The following SLC6A13 variants were observed in gnomAD, a reference collection of about 807,000 sequenced individuals.
SLC6A13 encodes the protein solute carrier family 6 member 13.
A neutral mutation model predicts 72.9 loss-of-function variants in SLC6A13; 69 were observed. The observed-to-expected ratio is 0.95, with a 90% CI of 0.78 to 1.16. The LOEUF is 1.16. Among genes scored for constraint, SLC6A13 ranks in the 50% most tolerant of loss-of-function variants. The pLI is 0.00. For synonymous variants in SLC6A13, 303 were observed against 303.0 expected, an observed-to-expected ratio of 1.00 and a Z score of 0.00; for missense variants, 735 against 760.5, an observed-to-expected ratio of 0.97 and a Z score of 0.39.
Position 224,016 on chromosome 12 carries a change from A to G in SLC6A13, c.1287T>C (p.Leu429=). ...LILGVSVVSF[L]VGLIMLTEGG... ...CCTCTGTGAGCATGATCAGCCCCACAAGGAAGGAGACGACAGATACTCCAA... is the reference window on the plus strand; with the variant it reads ...CCTCTGTGAGCATGATCAGCCCCACGAGGAAGGAGACGACAGATACTCCAA... The change falls in exon 11 of 15, where the codon CTT becomes CTC. Residue 429 remains leucine (L), a synonymous_variant. Transcript: ENST00000343164. The G allele has an allele frequency of 1.2e-6, 2 of 1,612,786 alleles. No homozygotes were observed. Among genetic ancestry groups the G allele is most frequent in the Non-Finnish European group, 1.7e-6 (2 of 1,179,648 alleles).
Position 237,919 on chromosome 12 carries a change from C to T in SLC6A13, c.563+7G>A, listed in dbSNP as rs919786153. ...GCCCACAGTGGGTGGGGAAGGGTCT[C>T]ACTTACTCCCAGAACTCGATGACAG... is the stretch of plus-strand genomic sequence containing the variant. On this transcript the variant is annotated splice_region_variant and intron_variant, in intron 5 of 14. Coordinates refer to ENST00000343164, the MANE Select transcript of SLC6A13 (RefSeq NM_016615.5). 1.2e-6 allele frequency: 2 copies of T among 1,608,944 alleles called. No individual in the cohort carries two copies. The highest frequency in any genetic ancestry group is 2.2e-5 in the South Asian group (2 of 90,972).
chr12:229,446 G>A (rs569235208), intron 7 of SLC6A13, among the ~76,000 whole-genome samples: 5 of 152,210 alleles, frequency 3.3e-5, no homozygotes, highest in South Asian at 2.1e-4. Context: ...ACTCACTGAC[G>A]TTGGCATGAA....
At position 237,841 on chromosome 12, in the gene SLC6A13, T is replaced by A. The variant is rs1468448829; in HGVS notation, c.563+85A>T. The A allele has an allele frequency of 6.9e-6, 7 of 1,007,670 alleles. No individual in the cohort carries two copies. In the East Asian group the frequency reaches 1.4e-4, roughly 21 times the overall value. The allele number at this position is 1,007,670 out of a possible 1,614,324, so 62.4% of individuals were successfully genotyped here. On this transcript the variant is annotated intron_variant, in intron 5 of 14. Coordinates refer to ENST00000343164, the MANE Select transcript of SLC6A13 (RefSeq NM_016615.5). Reference sequence around the variant, plus strand: ...GTGGAAATTCTTCCCTTGCTGTCCATTGAGAGTGACCTTGGTGTGTACTCC... The same window carrying A: ...GTGGAAATTCTTCCCTTGCTGTCCAATGAGAGTGACCTTGGTGTGTACTCC...
intron 2 of SLC6A13, 120 bp downstream of exon 2, chr12:259,731 G>A (rs575431277): frequency 6.1e-5 from 97 of 1,601,302 alleles, no homozygotes; most frequent in Non-Finnish European, 7.4e-5. Flanking sequence ...ACCTCTAAGC[G>A]TCCTCCTACC....
At chr12:242,794 A>G (rs770028604) in intron 3 of SLC6A13, 40 bp from the exon 4 acceptor site, 1 of 1,550,496 alleles carries the variant, frequency 6.4e-7, no homozygotes, top group South Asian at 1.2e-5. Flanking sequence ...AACGGTGGAC[A>G]GCGGTGGCGT....
chr12:243,320 A>G (rs1942235775), intron 3 of SLC6A13, among the ~76,000 whole-genome samples: 1 of 152,240 alleles, frequency 6.6e-6, no homozygotes. Flanking sequence ...CGGCCAAGAT[A>G]GAACTATGAA....
chr12:259,930 A>T lies in SLC6A13; in HGVS notation c.123T>A (p.Phe41Leu), dbSNP rs766765922. The T allele has an allele frequency of 6.2e-7, 1 of 1,614,230 alleles. No individual in the cohort carries two copies. The highest frequency in any genetic ancestry group is 1.1e-5 in the South Asian group (1 of 91,086). The change falls in exon 2 of 15, where the codon TTT (phenylalanine) becomes TTA (leucine). Residue 41 changes from phenylalanine to leucine, a missense_variant. Coordinates refer to ENST00000343164, the MANE Select transcript of SLC6A13 (RefSeq NM_016615.5). ...ERGHWNNKME[F>L]VLSVAGEIIG... ...TGATCTCCCCAGCCACTGACAGCAC[A>T]AACTCCATCTTGTTGTTCCAGTGCC...
chr12:251,901 T>C (rs554316248), intron 2 of SLC6A13, among the ~76,000 whole-genome samples: 66 of 152,274 alleles, frequency 4.3e-4, no homozygotes, highest in African/African-American at 1.6e-3. Context: ...AGGTCAAGGA[T>C]GCAGTGAGCC....
rs71045049 is a variant in SLC6A13, at chr12:246,132, A to AAAAT, written c.203-2323_203-2320dup. ...GACTCCATCTCAAAAAATAAAAGTA[A>AAAAT]AAATAAATAAATAAATAAATAAATA... On this transcript the variant is annotated intron_variant, in intron 2 of 14. Coordinates refer to ENST00000343164, the MANE Select transcript of SLC6A13 (RefSeq NM_016615.5). Among the ~76,000 whole-genome samples the AAAAT allele has an allele frequency of 5.3e-3, 778 of 146,998 alleles. 7 individuals are homozygous for AAAAT. The highest frequency in any genetic ancestry group is 0.01 in the Middle Eastern group (3 of 288).
At chr12:255,259 G>A (rs1045803489) in intron 2 of SLC6A13, among the ~76,000 whole-genome samples, 2 of 152,170 alleles carry the variant, frequency 1.3e-5, no homozygotes, top group Non-Finnish European at 2.9e-5. Context: ...CCAGGACCTG[G>A]GTGTTTGGGT....
At chr12:235,402 G>A (rs916688344) in intron 6 of SLC6A13, among the ~76,000 whole-genome samples, 178 bp from the exon 7 acceptor site, 4 of 152,202 alleles carry the variant, frequency 2.6e-5, no homozygotes, top group African/African-American at 7.2e-5. Flanking sequence ...ACCCCGAATG[G>A]AGGGACTGGC....
chr12:248,024 CA>C (rs528821731), intron 2 of SLC6A13, among the ~76,000 whole-genome samples: 7 of 147,382 alleles, frequency 4.7e-5, no homozygotes, highest in East Asian at 2.0e-4. Flanking sequence ...TCAATTATTC[CA>C]AAAAAAAAGC....
chr12:221,944 G>A (rs997913669), intron 13 of SLC6A13, among the ~76,000 whole-genome samples: 1 of 152,138 alleles, frequency 6.6e-6, no homozygotes, highest in Non-Finnish European at 1.5e-5. Flanking sequence ...GGGAGCTCGG[G>A]AACAGCTGAC....
intron 7 of SLC6A13, among the ~76,000 whole-genome samples, chr12:231,271 A>G (rs1941697064): frequency 6.6e-6 from 1 of 152,228 alleles, no homozygotes; most frequent in Non-Finnish European, 1.5e-5. Context: ...CCTGGCAGAA[A>G]AAGGGGAGCA....
At chr12:243,892 C>T in intron 2 of SLC6A13, 79 bp from the exon 3 acceptor site, 1 of 1,388,846 alleles carries the variant, frequency 7.2e-7, no homozygotes, top group East Asian at 2.3e-5. Context: ...CATTACCAAC[C>T]CATACTGCCA....
Position 242,759 on chromosome 12 carries a change from G to A in SLC6A13, c.338-5C>T, listed in dbSNP as rs372831595. On this transcript the variant is annotated splice_region_variant and splice_polypyrimidine_tract_variant and intron_variant, in intron 3 of 14. Transcript: ENST00000343164. Reference sequence around the variant, plus strand: ...TCTGGGAGGCATAGCCAATGCCTGCGGGGAAACTGCAGAATTGGGCTAGGA... The same window carrying A: ...TCTGGGAGGCATAGCCAATGCCTGCAGGGAAACTGCAGAATTGGGCTAGGA... 8.6e-4 allele frequency: 1,360 copies of A among 1,574,636 alleles called. 1 individual carries two copies. Among genetic ancestry groups the A allele is most frequent in the Non-Finnish European group, 1.1e-3 (1,278 of 1,159,284 alleles).
chr12:249,393 T>G (rs920119522), intron 2 of SLC6A13, among the ~76,000 whole-genome samples: 1 of 151,972 alleles, frequency 6.6e-6, no homozygotes, highest in Admixed American at 6.6e-5. Context: ...ATAATAAAAT[T>G]GATAAAATTT....
chr12:224,186 A>G, intron 10 of SLC6A13, 57 bp from the exon 11 acceptor site: 1 of 1,604,934 alleles, frequency 6.2e-7, no homozygotes, highest in Non-Finnish European at 8.5e-7. Context: ...TGCCCTGTCC[A>G]TGAGCGCTGG....
Position 238,197 on chromosome 12 carries a change from C to T in SLC6A13, c.479-187G>A, listed in dbSNP as rs935208031. On this transcript the variant is annotated intron_variant, in intron 4 of 14. Transcript: ENST00000343164. ...TCAACAAATGCAGCTCACTCTCTCC[C>T]GCACACTTGGACATGTGGGTACATA... 24 of 1,530,146 alleles carry T rather than the reference C, an allele frequency of 1.6e-5. 1 individual carries two copies. The highest frequency in any genetic ancestry group is 1.4e-4 in the Admixed American group (7 of 50,744). 94.8% of individuals were successfully genotyped at this position (1,530,146 alleles called of 1,614,324 possible).
Sources: allele counts gnomAD v4.1 joint callset (sites outside exome capture counted in the v4.1 genomes callset), GRCh38; gene constraint gnomAD v4.1.1; transcripts MANE v1.5; gene names NCBI Gene and HGNC (gene_info 2026-07-23, HGNC 2026-07-21).